The following PAPPA variants were observed in gnomAD, a reference collection of about 807,000 sequenced individuals.
The protein encoded by PAPPA is pappalysin-1.
PAPPA carries 60 observed loss-of-function variants against 164.0 expected under a neutral mutation model. The observed-to-expected ratio is 0.37, with a 90% CI of 0.30 to 0.45. The LOEUF (loss-of-function observed/expected upper bound fraction) is 0.45. Ranked by LOEUF, PAPPA falls within the 20% of genes least tolerant of loss-of-function variation. The pLI is 1.00. For missense variants in PAPPA, 1,782 were observed against 2,087.3 expected (o/e 0.85, Z 2.85); for synonymous variants, 875 against 814.1 (o/e 1.07, Z -1.27).
chr9:116,227,911 A>C (rs1406526901), intron 6 of PAPPA, among the ~76,000 whole-genome samples: 1 of 152,182 alleles, frequency 6.6e-6, no homozygotes, highest in South Asian at 2.1e-4. Flanking sequence ...GTCAATACAA[A>C]TATTTTGGGG....
intron 4 of PAPPA, among the ~76,000 whole-genome samples, chr9:116,212,394 G>A (rs185742302): frequency 1.3e-5 from 2 of 152,208 alleles, no homozygotes; most frequent in African/African-American, 2.4e-5. Context: ...GAGCATTAGG[G>A]GATGCCCTGC....
intron 9 of PAPPA, among the ~76,000 whole-genome samples, chr9:116,275,878 G>A (rs1845191400): frequency 6.6e-6 from 1 of 152,138 alleles, no homozygotes; most frequent in African/African-American, 2.4e-5. Context: ...CAAGGTGCCA[G>A]TGTGTTATTA....
At chr9:116,264,051 T>C (rs893740007) in intron 7 of PAPPA, among the ~76,000 whole-genome samples, 3 of 152,160 alleles carry the variant, frequency 2.0e-5, no homozygotes, top group African/African-American at 7.2e-5. Flanking sequence ...GTTTAAAAAA[T>C]ATAAAGCATG....
In PAPPA at chr9:116,341,549, CAACT is replaced by C. The variant is rs1188196055; in HGVS notation, c.3612-2993_3612-2990del. On this transcript the variant is annotated intron_variant, in intron 13 of 21. Transcript: ENST00000328252. ...TACAAAGTGCCTTGCCCCTTTCCAC[CAACT>C]GTCACTATAATTTCACCTTGGTTTA... 3.3e-5 allele frequency among the ~76,000 whole-genome samples: 5 copies of C among 152,272 alleles called. No individual in the cohort carries two copies. In the East Asian group the frequency reaches 5.8e-4, roughly 18 times the overall value.
chr9:116,367,881 T>C, intron 19 of PAPPA, 127 bp downstream of exon 19: 1 of 694,390 alleles, frequency 1.4e-6, no homozygotes, highest in Non-Finnish European at 2.6e-6. Context: ...TCATCACACC[T>C]GCCCTGTGGG....
chr9:116,391,721 T>C (rs1203572081), intron 21 of PAPPA, among the ~76,000 whole-genome samples: 1 of 152,214 alleles, frequency 6.6e-6, no homozygotes, highest in Non-Finnish European at 1.5e-5. Flanking sequence ...TGGACCTGGC[T>C]TGCTAACACA....
intron 17 of PAPPA, among the ~76,000 whole-genome samples, chr9:116,356,303 T>G (rs1270124997): frequency 6.6e-6 from 1 of 152,196 alleles, no homozygotes. Flanking sequence ...ACTACATACC[T>G]AATAGTTTGT....
chr9:116,316,999 A>G lies in PAPPA; in HGVS notation c.3147+14049A>G, dbSNP rs73654698. 8.3e-3 allele frequency among the ~76,000 whole-genome samples: 1,258 copies of G among 152,290 alleles called. 18 individuals are homozygous for G. Among genetic ancestry groups the G allele is most frequent in the African/African-American group, 0.029 (1,201 of 41,564 alleles). ...ATGCACTCTGCATGATCATCTTGGC[A>G]TCTAGTGGGGTTCCCTGCAGGTAAT... is the stretch of plus-strand genomic sequence containing the variant. On this transcript the variant is annotated intron_variant, in intron 10 of 21. Coordinates refer to ENST00000328252, the MANE Select transcript of PAPPA (RefSeq NM_002581.5).
intron 10 of PAPPA, among the ~76,000 whole-genome samples, chr9:116,329,136 T>C (rs541787248): frequency 6.6e-6 from 1 of 152,046 alleles, no homozygotes; most frequent in African/African-American, 2.4e-5. Flanking sequence ...TTTGCACAGA[T>C]TTATAGATGG....
At chr9:116,264,826 CA>C (rs1478542459) in intron 7 of PAPPA, among the ~76,000 whole-genome samples, 1 of 151,996 alleles carries the variant, frequency 6.6e-6, no homozygotes, top group African/African-American at 2.4e-5. Context: ...TGAAAATTGT[CA>C]AAAAGGACAT....
At chr9:116,245,843 C>T (rs1302911306) in intron 7 of PAPPA, among the ~76,000 whole-genome samples, 1 of 152,146 alleles carries the variant, frequency 6.6e-6, no homozygotes, top group Non-Finnish European at 1.5e-5. Flanking sequence ...ACTATTGCCA[C>T]CCATGTCTAC....
At chr9:116,355,131 C>T (rs1488406127) in intron 17 of PAPPA, among the ~76,000 whole-genome samples, 1 of 152,238 alleles carries the variant, frequency 6.6e-6, no homozygotes, top group Non-Finnish European at 1.5e-5. Flanking sequence ...TTGTCACTGC[C>T]TGCTTTCATT....
chr9:116,388,573 A>G (rs1054083991), intron 21 of PAPPA, among the ~76,000 whole-genome samples: 1 of 152,144 alleles, frequency 6.6e-6, no homozygotes, highest in Non-Finnish European at 1.5e-5. Context: ...GTGACTTATT[A>G]ACTCTGTGAC....
intron 10 of PAPPA, among the ~76,000 whole-genome samples, chr9:116,307,765 G>A (rs1217523302): frequency 2.0e-5 from 3 of 152,114 alleles, no homozygotes; most frequent in Non-Finnish European, 4.4e-5. Flanking sequence ...AGGTGAAGTA[G>A]AAATCATGCA....
chr9:116,161,247 G>C (rs1423909893), intron 1 of PAPPA, among the ~76,000 whole-genome samples: 1 of 152,136 alleles, frequency 6.6e-6, no homozygotes, highest in East Asian at 1.9e-4. Context: ...CTTTGATGTT[G>C]GGACTTCATA....
At chr9:116,279,104 G>A (rs1294932112) in intron 9 of PAPPA, among the ~76,000 whole-genome samples, 3 of 152,304 alleles carry the variant, frequency 2.0e-5, no homozygotes, top group African/African-American at 7.2e-5. Flanking sequence ...AAAATAATGA[G>A]GGAATTTGAT....
At chr9:116,186,139 G>A (rs1173266426) in intron 1 of PAPPA, among the ~76,000 whole-genome samples, 1 of 151,900 alleles carries the variant, frequency 6.6e-6, no homozygotes, top group African/African-American at 2.4e-5. Flanking sequence ...AGGCTTGGGA[G>A]ATTTTGCTCA....
intron 9 of PAPPA, among the ~76,000 whole-genome samples, chr9:116,281,037 C>T (rs575533298): frequency 6.6e-5 from 10 of 150,822 alleles, no homozygotes; most frequent in South Asian, 2.1e-4. Flanking sequence ...AATAACACTA[C>T]GACAATTTAA....
rs769120993 is a variant in PAPPA, at chr9:116,326,198, G to T, written c.3148-5046G>T. On this transcript the variant is annotated intron_variant, in intron 10 of 21. Transcript: ENST00000328252. ...TGAGAGGACCTAAGTGAGGGTGCTT[G>T]TCAGCCCAACCACACCTGCTCTTTG... Among the ~76,000 whole-genome samples, 7 of 152,098 alleles carry T rather than the reference G, an allele frequency of 4.6e-5. No individual in the cohort carries two copies. In the South Asian group the frequency reaches 8.3e-4, roughly 18 times the overall value.
Sources: gnomAD v4.1 joint callset for allele counts (sites outside exome capture counted in the v4.1 genomes callset) on GRCh38, gnomAD v4.1.1 for gene constraint, MANE v1.5 for transcripts, NCBI Gene and HGNC (gene_info 2026-07-23, HGNC 2026-07-21) for gene names.